The following FUT8 variants were observed in gnomAD, a reference collection of about 807,000 sequenced individuals.
FUT8 encodes alpha-(1,6)-fucosyltransferase.
Under a neutral mutation model 71.3 loss-of-function variants are expected in FUT8, and 29 were observed. The observed-to-expected ratio is 0.41, with a 90% CI of 0.30 to 0.55. The LOEUF (loss-of-function observed/expected upper bound fraction) is 0.55. Ranked by LOEUF, FUT8 falls within the 20% of genes least tolerant of loss-of-function variation. The pLI is 0.34. For synonymous variants in FUT8, 254 were observed against 239.3 expected, an observed-to-expected ratio of 1.06 and a Z score of -0.57; for missense variants, 544 against 702.1, an observed-to-expected ratio of 0.77 and a Z score of 2.55.
the FUT8 span, among the ~76,000 whole-genome samples, chr14:65,358,758 C>T: frequency 1.3e-5 from 2 of 152,134 alleles, no homozygotes; most frequent in Non-Finnish European, 2.9e-5. Context: ...GCATAATTTA[C>T]ACTGAATAAT....
intron 1 of FUT8, among the ~76,000 whole-genome samples, chr14:65,421,101 G>C (rs1016568052): frequency 2.6e-5 from 4 of 151,486 alleles, no homozygotes; most frequent in African/African-American, 7.3e-5. Context: ...GCTGAGGCAG[G>C]AGAATTGCTT....
intron 7 of FUT8, among the ~76,000 whole-genome samples, chr14:65,673,864 A>G (rs1892589190): frequency 6.6e-6 from 1 of 152,182 alleles, no homozygotes; most frequent in Non-Finnish European, 1.5e-5. Context: ...TTGTTATCTC[A>G]TAACTATTAA....
At chr14:65,658,144 G>C (rs1236299442) in intron 6 of FUT8, among the ~76,000 whole-genome samples, 1 of 151,966 alleles carries the variant, frequency 6.6e-6, no homozygotes. Flanking sequence ...TTAGAAAATA[G>C]GCAAAAGTCT....
At chr14:65,420,089 A>G (rs1417970059) in intron 1 of FUT8, among the ~76,000 whole-genome samples, 3 of 152,180 alleles carry the variant, frequency 2.0e-5, no homozygotes, top group Non-Finnish European at 4.4e-5. Flanking sequence ...AGGATGCACC[A>G]AATAATAAGC....
chr14:65,570,265 C>G (rs1886398935), intron 3 of FUT8, among the ~76,000 whole-genome samples: 1 of 152,100 alleles, frequency 6.6e-6, no homozygotes, highest in African/African-American at 2.4e-5. Flanking sequence ...TCACACCACT[C>G]TTCTGTGTGA....
chr14:65,597,317 G>T (rs1301554292), intron 3 of FUT8, among the ~76,000 whole-genome samples: 1 of 152,188 alleles, frequency 6.6e-6, no homozygotes, highest in Non-Finnish European at 1.5e-5. Flanking sequence ...AGTGATGGTG[G>T]TGGATTAATC....
intron 9 of FUT8, among the ~76,000 whole-genome samples, 173 bp from the exon 10 acceptor site, chr14:65,733,058 G>C (rs1198703757): frequency 6.6e-6 from 1 of 152,146 alleles, no homozygotes; most frequent in Non-Finnish European, 1.5e-5. Context: ...GGGCATTCCA[G>C]AATGGTTTCT....
chr14:65,458,079 G>A (rs1454615385), intron 2 of FUT8: 1 of 151,646 alleles, frequency 6.6e-6, no homozygotes, highest in African/African-American at 2.4e-5. Context: ...CTACTTAGGA[G>A]GCTGAGGCAG....
In FUT8 at chr14:65,609,818, G is replaced by T. The variant is rs141405719; in HGVS notation, c.204-6160G>T. Among the ~76,000 whole-genome samples the T allele has an allele frequency of 2.6e-4, 40 of 151,808 alleles. 1 individual carries two copies. The East Asian group carries it at 7.1e-3, about 27-fold the overall frequency. On this transcript the variant is annotated intron_variant, in intron 3 of 10. Coordinates refer to ENST00000673929, the MANE Select transcript of FUT8 (RefSeq NM_001371533.1). The stretch of plus-strand genomic sequence containing the variant: ...TTTTAGTTTTATCTTTTTCTGATTT[G>T]TATTGAGTATTCTAGATGTTTGTGT...
At chr14:65,531,514 C>A (rs1320306753) in intron 2 of FUT8, among the ~76,000 whole-genome samples, 2 of 152,028 alleles carry the variant, frequency 1.3e-5, no homozygotes, top group Non-Finnish European at 1.5e-5. Flanking sequence ...ATTTGGATAC[C>A]TCTGAAGAGA....
chr14:65,726,551 G>A lies in FUT8; in HGVS notation c.1259+2228G>A, dbSNP rs146327553. Among the ~76,000 whole-genome samples, 252 of 152,246 alleles carry A rather than the reference G, an allele frequency of 1.7e-3. 1 individual carries two copies. The highest frequency in any genetic ancestry group is 5.6e-3 in the African/African-American group (233 of 41,530). On this transcript the variant is annotated intron_variant, in intron 9 of 10. Transcript: ENST00000673929. ...ATCTTGTGAGACTATTCGCTATCAC[G>A]AGAACACCAGGGGAAAGATTTGCCC...
rs148265752 is a variant in FUT8, at chr14:65,669,492, G to T, written c.835+12G>T. 7 of 1,577,346 alleles carry T rather than the reference G, an allele frequency of 4.4e-6. No individual in the cohort carries two copies. In the Admixed American group the frequency reaches 5.0e-5, roughly 11 times the overall value. ...TGGACACTGGTCAGGTAAGGAGCTT[G>T]TGCAGCATATGAGATCTCTGGGCTG... is the stretch of plus-strand genomic sequence containing the variant. On this transcript the variant is annotated intron_variant, in intron 7 of 10. Transcript: ENST00000673929. The surrounding 1 kb of genome is among the most constrained non-coding windows in gnomAD (Gnocchi z 4.5).
At chr14:65,381,141 G>A in the FUT8 span, among the ~76,000 whole-genome samples, 1,468 of 152,296 alleles carry the variant, frequency 9.6e-3, 24 homozygotes, top group African/African-American at 0.034. Flanking sequence ...ATTGATTGCC[G>A]TTAACTTGGA....
chr14:65,622,230 T>C (rs1272177428), intron 5 of FUT8, among the ~76,000 whole-genome samples: 1 of 152,244 alleles, frequency 6.6e-6, no homozygotes. Flanking sequence ...GTTCTCTTAA[T>C]TGCTAAATAC....
At chr14:65,558,160 A>G (rs1225802037) in intron 2 of FUT8, among the ~76,000 whole-genome samples, 1 of 151,764 alleles carries the variant, frequency 6.6e-6, no homozygotes, top group Non-Finnish European at 1.5e-5. Flanking sequence ...GTGAAATCCC[A>G]TCTCTACTAA....
chr14:65,470,188 A>C (rs1300528068), intron 2 of FUT8, among the ~76,000 whole-genome samples: 2 of 152,024 alleles, frequency 1.3e-5, no homozygotes, highest in African/African-American at 4.8e-5. Flanking sequence ...CTCCAACCCC[A>C]CTCTGAGAAC....
chr14:65,692,351 C>T (rs1359651541), intron 7 of FUT8, among the ~76,000 whole-genome samples: 14 of 137,144 alleles, frequency 1.0e-4, no homozygotes, highest in South Asian at 7.3e-4. Context: ...GCTGGCCGGG[C>T]GGGGGGCTGA....
intron 2 of FUT8, among the ~76,000 whole-genome samples, chr14:65,459,540 T>A (rs2065942412): frequency 6.6e-6 from 1 of 152,102 alleles, no homozygotes; most frequent in Admixed American, 6.5e-5. Context: ...AATATTAAAT[T>A]GAGTAATTTA....
At chr14:65,582,783 T>A (rs879830551) in intron 3 of FUT8, among the ~76,000 whole-genome samples, 1 of 152,200 alleles carries the variant, frequency 6.6e-6, no homozygotes, top group Admixed American at 6.5e-5. Flanking sequence ...ATCTGGCGTC[T>A]TTAATAAAGT....
Sources: gnomAD v4.1 joint callset for allele counts (sites outside exome capture counted in the v4.1 genomes callset) on GRCh38, gnomAD v4.1.1 for gene constraint, Gnocchi (gnomAD v3.1) non-coding constraint, MANE v1.5 for transcripts, NCBI Gene and HGNC (gene_info 2026-07-23, HGNC 2026-07-21) for gene names.